The following TBXAS1 variants were observed in gnomAD, a reference collection of about 807,000 sequenced individuals.
TBXAS1 encodes the protein thromboxane A synthase 1.
In TBXAS1, 48 loss-of-function variants were observed where a neutral mutation model predicts 60.7. The observed-to-expected ratio is 0.79, with a 90% CI of 0.63 to 1.01. The LOEUF (loss-of-function observed/expected upper bound fraction) is 1.01, where lower values mean the gene tolerates loss of function less well. Ranked by LOEUF, TBXAS1 falls within the 50% of genes least tolerant of loss-of-function variation. The pLI, the probability that TBXAS1 is intolerant of heterozygous loss-of-function variation, is 0.00. For missense variants in TBXAS1, 685 were observed against 686.3 expected (o/e 1.00, Z 0.02); for synonymous variants, 287 against 269.7 (o/e 1.06, Z -0.63).
intron 9 of TBXAS1, among the ~76,000 whole-genome samples, chr7:140,003,773 T>A (rs563519954): frequency 1.8e-4 from 27 of 152,246 alleles, no homozygotes; most frequent in Non-Finnish European, 3.4e-4. Context: ...CACCTCTGTT[T>A]CTTGTTTGAT....
intron 9 of TBXAS1, among the ~76,000 whole-genome samples, chr7:139,988,925 G>C (rs1473391030): frequency 6.6e-6 from 1 of 152,202 alleles, no homozygotes; most frequent in Non-Finnish European, 1.5e-5. Flanking sequence ...GGTAGTCCCA[G>C]CTGGTCTGGT....
At chr7:139,821,815 C>T (rs1440959424) in intron 4 of TBXAS1, among the ~76,000 whole-genome samples, 1 of 152,202 alleles carries the variant, frequency 6.6e-6, no homozygotes, top group Non-Finnish European at 1.5e-5. Flanking sequence ...TTCTCTAGGT[C>T]TTGTCTCTCT....
chr7:139,840,036 A>G (rs987214962), intron 1 of TBXAS1, among the ~76,000 whole-genome samples: 13 of 151,654 alleles, frequency 8.6e-5, no homozygotes, highest in Admixed American at 8.5e-4. Flanking sequence ...TAGTGTTCTG[A>G]TCAAGTCTCA....
chr7:139,793,405 C>T (rs984954118), intron 4 of TBXAS1, among the ~76,000 whole-genome samples: 2 of 151,754 alleles, frequency 1.3e-5, no homozygotes, highest in African/African-American at 2.4e-5. Context: ...GATGACAGAG[C>T]GAGAATCCAT....
chr7:139,951,212 C>T (rs1809228190), intron 5 of TBXAS1, among the ~76,000 whole-genome samples: 1 of 152,142 alleles, frequency 6.6e-6, no homozygotes, highest in South Asian at 2.1e-4. Flanking sequence ...AAAAAGACCT[C>T]GTGGTTTTCA....
Position 140,004,059 on chromosome 7 carries a change from C to T in TBXAS1, c.1135-3032C>T, listed in dbSNP as rs527643446. On this transcript the variant is annotated intron_variant, in intron 9 of 12. Coordinates refer to ENST00000448866, the MANE Select transcript of TBXAS1 (RefSeq NM_001061.7). This position sits in a 1 kb window ranked among gnomAD's most constrained non-coding sequence, Gnocchi z 5.1. The stretch of plus-strand genomic sequence containing the variant: ...TTTTCTGCTCATTAATCCACAAGGC[C>T]GAATGTGGCCAACAATGGGTCTCCA... 1.3e-5 allele frequency among the ~76,000 whole-genome samples: 2 copies of T among 152,292 alleles called. No homozygotes were observed. The highest frequency in any genetic ancestry group is 3.9e-4 in the East Asian group (2 of 5,186).
chr7:139,827,952 T>C (rs1171243454), upstream of TBXAS1, among the ~76,000 whole-genome samples: 2 of 152,218 alleles, frequency 1.3e-5, no homozygotes, highest in African/African-American at 4.8e-5. Context: ...CTGATGACAA[T>C]GTGCTGAGGC....
chr7:139,807,507 C>A (rs1426554296), intron 4 of TBXAS1, among the ~76,000 whole-genome samples: 1 of 152,116 alleles, frequency 6.6e-6, no homozygotes, highest in African/African-American at 2.4e-5. Flanking sequence ...CCTCAGCCTC[C>A]CAAGTAGCTG....
In TBXAS1 at chr7:139,981,391, C is replaced by T. The variant is rs983156550; in HGVS notation, c.1134+19158C>T. ...TCGGCCTCCCAGAGTGCTGGGATTA[C>T]AGGCATGAGCCACCATGCCCGGCCA... On this transcript the variant is annotated intron_variant, in intron 9 of 12. Transcript: ENST00000448866. 2.0e-5 allele frequency among the ~76,000 whole-genome samples: 3 copies of T among 152,210 alleles called. No homozygotes were observed. In the East Asian group the frequency reaches 5.8e-4, roughly 29 times the overall value.
chr7:139,873,678 G>A (rs138963466), intron 2 of TBXAS1, among the ~76,000 whole-genome samples: 357 of 152,258 alleles, frequency 2.3e-3, no homozygotes, highest in African/African-American at 7.7e-3. Context: ...CTTGGGATTT[G>A]CCAGAGTGAC....
chr7:139,911,365 C>G (rs1161748416), intron 4 of TBXAS1, 44 bp downstream of exon 4: 1 of 1,526,884 alleles, frequency 6.5e-7, no homozygotes, highest in Non-Finnish European at 9.1e-7. Context: ...GGGAATTGTT[C>G]TCAGATGGAG....
intron 1 of TBXAS1, 49 bp from the exon 2 acceptor site, chr7:139,872,186 A>G (rs1234116567): frequency 6.5e-7 from 1 of 1,536,866 alleles, no homozygotes; most frequent in Admixed American, 1.7e-5. Flanking sequence ...AGCCTAAAGC[A>G]TGAGTGCAAC....
upstream of TBXAS1, among the ~76,000 whole-genome samples, chr7:139,828,112 C>T (rs925639119): frequency 1.3e-5 from 2 of 152,278 alleles, no homozygotes; most frequent in African/African-American, 4.8e-5. Flanking sequence ...CTCAGGAACA[C>T]CAATTATTCT....
chr7:139,849,976 A>G (rs577210406), intron 1 of TBXAS1, among the ~76,000 whole-genome samples: 1 of 152,214 alleles, frequency 6.6e-6, no homozygotes, highest in African/African-American at 2.4e-5. Flanking sequence ...AAATATTCTC[A>G]TGGGTGCTGG....
At chr7:139,994,260 C>G (rs1350363781) in intron 9 of TBXAS1, among the ~76,000 whole-genome samples, 1 of 152,268 alleles carries the variant, frequency 6.6e-6, no homozygotes, top group Non-Finnish European at 1.5e-5. Context: ...CCAGGCTGGT[C>G]TCAAACTCCT....
At chr7:139,972,161 TC>T in intron 9 of TBXAS1, among the ~76,000 whole-genome samples, 1 of 152,150 alleles carries the variant, frequency 6.6e-6, no homozygotes, top group Non-Finnish European at 1.5e-5. Flanking sequence ...TCCCCCTGAG[TC>T]CCTGCAGAGC....
At chr7:139,939,959 C>A (rs1451594834) in intron 5 of TBXAS1, among the ~76,000 whole-genome samples, 1 of 152,218 alleles carries the variant, frequency 6.6e-6, no homozygotes, top group African/African-American at 2.4e-5. Flanking sequence ...CTGTTTCATG[C>A]TCCATAGATC....
At chr7:139,954,000 T>G (rs146948821) in intron 6 of TBXAS1, among the ~76,000 whole-genome samples, 169 of 152,272 alleles carry the variant, frequency 1.1e-3, no homozygotes, top group African/African-American at 3.9e-3. Flanking sequence ...CTTAAAACAT[T>G]GTGAGTTTTT....
chr7:139,818,276 C>T (rs1011968437), intron 4 of TBXAS1, among the ~76,000 whole-genome samples: 13 of 152,128 alleles, frequency 8.5e-5, no homozygotes, highest in Admixed American at 4.6e-4. Context: ...TATAGGATGG[C>T]ACAGGGCCTG....
Sources: gnomAD v4.1 joint callset for allele counts (sites outside exome capture counted in the v4.1 genomes callset) on GRCh38, gnomAD v4.1.1 for gene constraint, Gnocchi (gnomAD v3.1) non-coding constraint, MANE v1.5 for transcripts, NCBI Gene and HGNC (gene_info 2026-07-23, HGNC 2026-07-21) for gene names.